Variants in ELP3 observed in about 807,000 individuals in gnomAD.
The protein encoded by ELP3 is elongator complex protein 3.
In ELP3, 56 loss-of-function variants were observed where a neutral mutation model predicts 74.9. The ratio of observed to expected loss-of-function variants is 0.75; its 90% CI spans 0.60 to 0.93. The LOEUF (loss-of-function observed/expected upper bound fraction) is 0.93, where lower values mean the gene tolerates loss of function less well. Ranked by LOEUF, ELP3 falls within the 40% of genes least tolerant of loss-of-function variation. The pLI, the probability that ELP3 is intolerant of heterozygous loss-of-function variation, is 0.00. For synonymous variants in ELP3, 222 were observed against 239.8 expected (o/e 0.93, Z 0.68); for missense variants, 573 against 686.5 (o/e 0.83, Z 1.85).
At chr8:28,116,859 GA>G (rs1044126422) in intron 7 of ELP3, among the ~76,000 whole-genome samples, 1 of 152,132 alleles carries the variant, frequency 6.6e-6, no homozygotes, top group South Asian at 2.1e-4. Flanking sequence ...TAATAATACT[GA>G]AAAATCAAAC....
At chr8:28,102,268 C>T (rs986082385) in intron 3 of ELP3, among the ~76,000 whole-genome samples, 1 of 152,178 alleles carries the variant, frequency 6.6e-6, no homozygotes, top group Non-Finnish European at 1.5e-5. Context: ...ATAGCATAAC[C>T]AAAACTAATA....
chr8:28,122,456 T>C (rs1812410343), intron 7 of ELP3, among the ~76,000 whole-genome samples: 1 of 152,232 alleles, frequency 6.6e-6, no homozygotes, highest in African/African-American at 2.4e-5. Context: ...GGGTTTTAGA[T>C]CATAATTCAG....
chr8:28,126,093 G>A (rs1812565685), intron 7 of ELP3, among the ~76,000 whole-genome samples: 1 of 152,048 alleles, frequency 6.6e-6, no homozygotes, highest in African/African-American at 2.4e-5. Flanking sequence ...GCTTTCAGGG[G>A]CTTCCTGTCC....
chr8:28,098,199 A>T (rs915491607), intron 2 of ELP3, among the ~76,000 whole-genome samples: 1 of 150,546 alleles, frequency 6.6e-6, no homozygotes, highest in African/African-American at 2.5e-5. Flanking sequence ...TCATCTCTGC[A>T]TCTATTTTTT....
At chr8:28,186,406 C>T (rs1214904578) in intron 14 of ELP3, among the ~76,000 whole-genome samples, 5 of 152,160 alleles carry the variant, frequency 3.3e-5, no homozygotes, top group Non-Finnish European at 5.9e-5. Context: ...ATTCAGGGTT[C>T]GGCAATTTCA....
In ELP3 at chr8:28,182,843, C is replaced by T. The variant is rs114681320; in HGVS notation, c.1568-6806C>T. 3.2e-3 allele frequency among the ~76,000 whole-genome samples: 483 copies of T among 152,296 alleles called. 3 individuals carry two copies. Among genetic ancestry groups the T allele is most frequent in the African/African-American group, 0.011 (454 of 41,548 alleles). On this transcript the variant is annotated intron_variant, in intron 14 of 14. Transcript: ENST00000256398. ...GAATCAAAGCAGAGGATTTCTTTCT[C>T]ATCATGAGGGGCTTGAGGACATTTG...
At chr8:28,155,818 G>C in intron 10 of ELP3, 124 bp from the exon 11 acceptor site, 1 of 669,676 alleles carries the variant, frequency 1.5e-6, no homozygotes, top group Admixed American at 2.8e-5. Flanking sequence ...TGATTTCCTG[G>C]TCAGCTTCAT....
chr8:28,106,074 ACAAT>A (rs1450389069), intron 3 of ELP3, among the ~76,000 whole-genome samples: 2 of 152,240 alleles, frequency 1.3e-5, no homozygotes, highest in South Asian at 2.1e-4. Context: ...GTTTACTAAG[ACAAT>A]CAGAGAGAGA....
chr8:28,183,408 G>C (rs1191104273), intron 14 of ELP3: 1 of 362,240 alleles, frequency 2.8e-6, no homozygotes, highest in Non-Finnish European at 5.4e-6. Flanking sequence ...AACAAAGCCA[G>C]TGTTTGGACT....
rs137977409 is a variant in ELP3 at position 28,189,784 on chromosome 8, A to G, written c.*59A>G. The G allele has an allele frequency of 1.2e-5, 18 of 1,543,010 alleles. No homozygotes were observed. In the Middle Eastern group the frequency reaches 1.0e-3, roughly 88 times the overall value. On this transcript the variant is annotated 3_prime_UTR_variant, in exon 15 of 15. Coordinates refer to ENST00000256398, the MANE Select transcript of ELP3 (RefSeq NM_018091.6). The stretch of plus-strand genomic sequence containing the variant: ...CCCTGGCAGAACACGGAGAATCAGG[A>G]TTTCTTAAATACTCAACAGAGAGGC...
intron 6 of ELP3, 111 bp downstream of exon 6, chr8:28,110,549 C>T: frequency 2.0e-6 from 2 of 991,780 alleles, no homozygotes; most frequent in Non-Finnish European, 3.0e-6. Context: ...AGGTGTTTTT[C>T]CTCTTTGTAA....
At chr8:28,162,187 A>C (rs1814124502) in intron 14 of ELP3, 109 bp downstream of exon 14, 2 of 1,125,758 alleles carry the variant, frequency 1.8e-6, no homozygotes, top group Middle Eastern at 2.2e-4. Flanking sequence ...TTACGTTCAA[A>C]ATTGAGCTGA....
At chr8:28,090,903 C>CTTTTTTTTTT (rs1563239681), upstream of ELP3, among the ~76,000 whole-genome samples, 1 of 53,146 alleles carries the variant, frequency 1.9e-5, no homozygotes, top group African/African-American at 8.2e-5. Context: ...GTAAATGTTT[C>CTTTTTTTTTT]CTTTTTTTTT....
At chr8:28,188,219 T>C (rs1412505464) in intron 14 of ELP3, among the ~76,000 whole-genome samples, 1 of 152,240 alleles carries the variant, frequency 6.6e-6, no homozygotes, top group Admixed American at 6.5e-5. Context: ...GCAGGGGTAA[T>C]GGACCTTTAG....
At chr8:28,158,522 A>ACCCCACCC in intron 11 of ELP3, 46 bp from the exon 12 acceptor site, 1 of 1,173,166 alleles carries the variant, frequency 8.5e-7, no homozygotes, top group Non-Finnish European at 1.3e-6. Flanking sequence ...TTATATTTGT[A>ACCCCACCC]CCCCTCCCAC....
At position 28,093,230 on chromosome 8, in the gene ELP3, A is replaced by C. The variant is rs557145550; in HGVS notation, c.16A>C (p.Lys6Gln). MRQKR[K>Q]GDLSPAELMM... Reference sequence around the variant, plus strand: ...CGGCGCAGAAATGAGGCAGAAGCGGAAAGGTGCGAAAGGGGAAGGAGATGG... The same window carrying C: ...CGGCGCAGAAATGAGGCAGAAGCGGCAAGGTGCGAAAGGGGAAGGAGATGG... The change falls in exon 1 of 15, where the codon AAA (lysine) becomes CAA (glutamine). Residue 6 changes from lysine (K) to glutamine (Q), a missense_variant. Lys to Gln is a moderately conservative substitution (Grantham distance 53). Coordinates refer to ENST00000256398, the MANE Select transcript of ELP3 (RefSeq NM_018091.6). 1.2e-6 allele frequency: 2 copies of C among 1,613,216 alleles called. No individual in the cohort carries two copies. Among genetic ancestry groups the C allele is most frequent in the East Asian group, 2.2e-5 (1 of 44,876 alleles).
rs577775563 is a variant in ELP3, at chr8:28,148,970, A to G, written c.1101-6972A>G. On this transcript the variant is annotated intron_variant, in intron 10 of 14. Transcript: ENST00000256398. ...GGTTAATAAGGCAGAGCCCTCATGA[A>G]TGGGGTTAGTTACTCAATATAAGAG... is the stretch of plus-strand genomic sequence containing the variant. 5.9e-5 allele frequency among the ~76,000 whole-genome samples: 9 copies of G among 152,314 alleles called. No homozygotes were observed. The South Asian group carries it at 1.9e-3, about 32-fold the overall frequency.
intron 7 of ELP3, among the ~76,000 whole-genome samples, chr8:28,125,468 C>T (rs1477144229): frequency 6.6e-6 from 1 of 152,128 alleles, no homozygotes; most frequent in African/African-American, 2.4e-5. Flanking sequence ...GGAGCTGCCA[C>T]GAATTATTTG....
At chr8:28,135,172 C>A (rs549540464) in intron 9 of ELP3, among the ~76,000 whole-genome samples, 1 of 152,198 alleles carries the variant, frequency 6.6e-6, no homozygotes, top group Admixed American at 6.5e-5. Context: ...TCGTGATCCG[C>A]CCGCCTCTGC....
Sources: gnomAD v4.1 joint callset for allele counts (sites outside exome capture counted in the v4.1 genomes callset) on GRCh38, gnomAD v4.1.1 for gene constraint, MANE v1.5 for transcripts, NCBI Gene and HGNC (gene_info 2026-07-23, HGNC 2026-07-21) for gene names.